Variants in NBDY observed in about 807,000 individuals in gnomAD.
NBDY encodes negative regulator of P-body association, also known as P-body dissociating protein.
intron 2 of NBDY, among the ~76,000 whole-genome samples, chrX:56,781,432 G>A (rs1274885322): frequency 8.9e-6 from 1 of 111,862 alleles, no homozygotes. Flanking sequence ...AGATCTTTGT[G>A]CAGACGCGGT....
chrX:56,787,917 G>A (rs778885826), intron 2 of NBDY, among the ~76,000 whole-genome samples: 23 of 113,065 alleles, frequency 2.0e-4, no homozygotes, highest in Admixed American at 1.4e-3. Context: ...GCCTTGGGAA[G>A]TCTCCTAGTC....
In NBDY at chrX:56,749,367, C is replaced by CT. The variant is rs2069572179; in HGVS notation, c.*166+17169dup. 2.7e-5 allele frequency among the ~76,000 whole-genome samples: 3 copies of CT among 110,661 alleles called. No individual in the cohort carries two copies. The Admixed American group carries it at 2.9e-4, about 11-fold the overall frequency. ...TCTAGACCTTGAATTGAACTCCATT[C>CT]TATATATATATAAGCAAGTTTTTAA... On this transcript the variant is annotated intron_variant, in intron 2 of 2. Transcript: ENST00000374922.
At chrX:56,738,628 T>TA (rs2069510154) in intron 2 of NBDY, among the ~76,000 whole-genome samples, 1 of 111,672 alleles carries the variant, frequency 9.0e-6, no homozygotes, top group Non-Finnish European at 1.9e-5. Context: ...GGGAAACACT[T>TA]ACTTACATTT....
chrX:56,735,806 T>C (rs2069485922), intron 2 of NBDY, among the ~76,000 whole-genome samples: 1 of 111,571 alleles, frequency 9.0e-6, no homozygotes, highest in Admixed American at 9.5e-5. Context: ...TCTGCCTCCT[T>C]CTGCGAAGTA....
At chrX:56,752,802 G>C (rs2069592284) in intron 2 of NBDY, among the ~76,000 whole-genome samples, 1 of 110,020 alleles carries the variant, frequency 9.1e-6, no homozygotes, top group African/African-American at 3.3e-5. Flanking sequence ...TAGAGACGGG[G>C]GTTTCACCAT....
Position 56,818,424 on chromosome X carries a change from G to A in NBDY, c.*1271G>A, listed in dbSNP as rs1163149783. On this transcript the variant is annotated 3_prime_UTR_variant, in exon 3 of 3. Transcript: ENST00000374922. Reference sequence around the variant, plus strand: ...TATGTATATTCTAGAGTTATGTTATGCACACTTAATAAATTATAGACAGTT... The same window carrying A: ...TATGTATATTCTAGAGTTATGTTATACACACTTAATAAATTATAGACAGTT... 1 of 111,642 alleles carries A rather than the reference G, an allele frequency of 9.0e-6. No homozygotes were observed. The highest frequency in any genetic ancestry group is 2.8e-4 in the East Asian group (1 of 3,591). 9.2% of individuals were successfully genotyped at this position (111,642 alleles called of 1,213,427 possible). A position where few individuals can be genotyped will look rare whatever the true frequency, so the allele number is the denominator to read the frequency against.
chrX:56,750,307 T>C (rs1448931160), intron 2 of NBDY, among the ~76,000 whole-genome samples: 1 of 111,270 alleles, frequency 9.0e-6, no homozygotes, highest in Non-Finnish European at 1.9e-5. Context: ...TCTACAACAT[T>C]CTTCTCTTCT....
At chrX:56,812,217 CT>C (rs754732352) in intron 2 of NBDY, among the ~76,000 whole-genome samples, 16 of 86,921 alleles carry the variant, frequency 1.8e-4, no homozygotes, top group African/African-American at 6.9e-4. Context: ...CAGCTTCCCA[CT>C]TTTTTTTATC....
intron 2 of NBDY, among the ~76,000 whole-genome samples, chrX:56,754,371 A>G (rs750832475): frequency 8.9e-6 from 1 of 112,208 alleles, no homozygotes; most frequent in Admixed American, 9.4e-5. Context: ...GCACTGTCCC[A>G]TAGACCTAAC....
At position 56,813,662 on chromosome X, in the gene NBDY, G is replaced by T. The variant is rs969750916; in HGVS notation, c.*167-3658G>T. ...ACTGCCCACAAACTCTCCCATACAG[G>T]CTCTGAATCACCACTTGCGATGGGC... On this transcript the variant is annotated intron_variant, in intron 2 of 2. Transcript: ENST00000374922. 4.5e-5 allele frequency among the ~76,000 whole-genome samples: 5 copies of T among 111,826 alleles called. No homozygotes were observed. In the East Asian group the frequency reaches 1.4e-3, roughly 32 times the overall value.
chrX:56,798,673 C>T (rs892659419), intron 2 of NBDY, among the ~76,000 whole-genome samples: 2 of 112,007 alleles, frequency 1.8e-5, no homozygotes, highest in East Asian at 2.8e-4. Context: ...GTCCCAGTGC[C>T]CATGATTATC....
At chrX:56,761,281 T>C (rs1384724791) in intron 2 of NBDY, among the ~76,000 whole-genome samples, 1 of 112,755 alleles carries the variant, frequency 8.9e-6, no homozygotes, top group Non-Finnish European at 1.9e-5. Context: ...CAGGCAACTC[T>C]CAGAGGGCAG....
At chrX:56,764,472 C>G (rs1307183280) in intron 2 of NBDY, among the ~76,000 whole-genome samples, 15 of 110,745 alleles carry the variant, frequency 1.4e-4, no homozygotes. Context: ...AGGTACACTT[C>G]CTTCAAGGGC....
At chrX:56,790,832 GGTTCCCTCTT>G (rs1300653012) in intron 2 of NBDY, among the ~76,000 whole-genome samples, 2 of 112,302 alleles carry the variant, frequency 1.8e-5, no homozygotes, top group African/African-American at 3.2e-5. Flanking sequence ...TCAGCTTTCA[GGTTCCCTCTT>G]GTTCACCTTT....
intron 2 of NBDY, among the ~76,000 whole-genome samples, chrX:56,761,389 G>A (rs2146722874): frequency 8.9e-6 from 1 of 112,893 alleles, no homozygotes; most frequent in Non-Finnish European, 1.9e-5. Flanking sequence ...ATGTGTTGGG[G>A]GTGGAGACAG....
intron 2 of NBDY, among the ~76,000 whole-genome samples, chrX:56,804,136 C>T (rs916564579): frequency 8.9e-6 from 1 of 111,985 alleles, no homozygotes; most frequent in Non-Finnish European, 1.9e-5. Flanking sequence ...TCTGAATTTG[C>T]ACAAGCCTCC....
Position 56,817,460 on chromosome X carries a change from G to T in NBDY, c.*307G>T, listed in dbSNP as rs1287241180. ...ACTTACCAAAGCAAACAATGCCTGTGAGATGGTCCTGCAGCAGCCAACCAG... is the reference window on the plus strand; with the variant it reads ...ACTTACCAAAGCAAACAATGCCTGTTAGATGGTCCTGCAGCAGCCAACCAG... On this transcript the variant is annotated 3_prime_UTR_variant, in exon 3 of 3. Transcript: ENST00000374922. 8.9e-6 allele frequency: 1 copy of T among 111,948 alleles called. No homozygotes were observed. The allele number at this position is 111,948 out of a possible 1,213,427, so 9.2% of individuals were successfully genotyped here.
chrX:56,737,505 C>A (rs1459640830), intron 2 of NBDY: 2 of 933,970 alleles, frequency 2.1e-6, no homozygotes, highest in East Asian at 6.3e-5. Flanking sequence ...TTGAATCCTG[C>A]AGTATTGTAA....
At chrX:56,803,259 A>G (rs2069833269) in intron 2 of NBDY, among the ~76,000 whole-genome samples, 1 of 111,676 alleles carries the variant, frequency 9.0e-6, no homozygotes. Context: ...GCGGCCCTCC[A>G]TGGGTTCCCC....
Sources: allele counts gnomAD v4.1 joint callset (sites outside exome capture counted in the v4.1 genomes callset), GRCh38; gene constraint gnomAD v4.1.1; transcripts MANE v1.5; gene names NCBI Gene and HGNC (gene_info 2026-07-23, HGNC 2026-07-21).